PTPRD: variants seen among roughly 807,000 people sequenced by gnomAD.
PTPRD encodes the protein protein tyrosine phosphatase receptor type D, also known as receptor-type tyrosine-protein phosphatase delta.
In PTPRD, 34 loss-of-function variants were observed where a neutral mutation model predicts 214.5. That is an observed-to-expected ratio of 0.16 (90% confidence interval 0.12 to 0.21). The LOEUF (loss-of-function observed/expected upper bound fraction) is 0.21. PTPRD is among the 10% of genes least tolerant of loss of function. The pLI, the probability that PTPRD is intolerant of heterozygous loss-of-function variation, is 1.00. For synonymous variants in PTPRD, 1,128 were observed against 845.7 expected (o/e 1.33, Z -5.79); for missense variants, 2,545 against 2,398.7 (o/e 1.06, Z -1.27).
chr9:10,310,653 C>G, intron 3 of PTPRD, among the ~76,000 whole-genome samples: 1 of 152,054 alleles, frequency 6.6e-6, no homozygotes, highest in Non-Finnish European at 1.5e-5. Context: ...AGTGTTTACA[C>G]GAATCCCAAT....
At chr9:8,550,970 A>G (rs767916574) in intron 14 of PTPRD, among the ~76,000 whole-genome samples, 1 of 152,220 alleles carries the variant, frequency 6.6e-6, no homozygotes, top group African/African-American at 2.4e-5. Flanking sequence ...ATCACCAACA[A>G]TAGCATCCCA....
At chr9:8,905,258 C>T (rs925008737) in intron 11 of PTPRD, among the ~76,000 whole-genome samples, 19 of 152,008 alleles carry the variant, frequency 1.2e-4, no homozygotes, top group African/African-American at 4.6e-4. Context: ...CCATGGTTTG[C>T]ATTTCTGTTC....
intron 6 of PTPRD, among the ~76,000 whole-genome samples, chr9:9,760,003 C>T (rs2154474776): frequency 6.6e-6 from 1 of 152,266 alleles, no homozygotes; most frequent in South Asian, 2.1e-4. Flanking sequence ...TGTTAAACTT[C>T]CAGTATTGCC....
At chr9:8,575,609 G>T (rs137917106) in intron 14 of PTPRD, among the ~76,000 whole-genome samples, 2 of 151,994 alleles carry the variant, frequency 1.3e-5, no homozygotes, top group Non-Finnish European at 2.9e-5. Context: ...AGATATATTC[G>T]TTTATTTGGT....
At chr9:9,683,867 T>C (rs1165093970) in intron 7 of PTPRD, among the ~76,000 whole-genome samples, 1 of 151,848 alleles carries the variant, frequency 6.6e-6, no homozygotes, top group South Asian at 2.1e-4. Context: ...TTAAGTTAGT[T>C]CGGGTTCTAA....
chr9:9,841,879 T>C (rs1426064512), intron 5 of PTPRD, among the ~76,000 whole-genome samples: 1 of 152,136 alleles, frequency 6.6e-6, no homozygotes. Flanking sequence ...GAAATATCTG[T>C]TGGATTTTTC....
chr9:9,845,720 GAAA>G (rs2153652367), intron 5 of PTPRD, among the ~76,000 whole-genome samples: 1 of 152,156 alleles, frequency 6.6e-6, no homozygotes, highest in Non-Finnish European at 1.5e-5. Context: ...AAGAGGACGT[GAAA>G]TCAATCATAT....
chr9:9,147,489 C>T (rs1592414028), intron 10 of PTPRD, among the ~76,000 whole-genome samples: 1 of 151,816 alleles, frequency 6.6e-6, no homozygotes, highest in African/African-American at 2.4e-5. Flanking sequence ...TACACTAGGA[C>T]CTGCCAGTTA....
At chr9:9,279,018 A>G (rs1175685639) in intron 9 of PTPRD, among the ~76,000 whole-genome samples, 1 of 151,134 alleles carries the variant, frequency 6.6e-6, no homozygotes, top group Non-Finnish European at 1.5e-5. Flanking sequence ...GGAAAACTAT[A>G]TATTAATTTA....
At chr9:8,711,127 T>C (rs2098324984) in intron 12 of PTPRD, among the ~76,000 whole-genome samples, 1 of 148,676 alleles carries the variant, frequency 6.7e-6, no homozygotes. Flanking sequence ...TAACTGGTTG[T>C]TAAATATCAT....
chr9:9,102,706 T>A (rs2099793032), intron 10 of PTPRD, among the ~76,000 whole-genome samples: 2 of 152,376 alleles, frequency 1.3e-5, no homozygotes, highest in South Asian at 4.1e-4. Flanking sequence ...TACGATGTGA[T>A]CATTCACGGA....
chr9:8,629,097 T>G (rs957671479), intron 14 of PTPRD, among the ~76,000 whole-genome samples: 1 of 151,798 alleles, frequency 6.6e-6, no homozygotes, highest in East Asian at 1.9e-4. Context: ...CAAAATAATG[T>G]ATTTTCTGAT....
intron 3 of PTPRD, among the ~76,000 whole-genome samples, chr9:10,047,563 T>C (rs113135314): frequency 1.6e-3 from 250 of 152,198 alleles, no homozygotes; most frequent in African/African-American, 4.0e-3. Flanking sequence ...GTTTCAACAC[T>C]GCCCACATAC....
At chr9:9,911,335 A>G (rs1404779878) in intron 5 of PTPRD, among the ~76,000 whole-genome samples, 2 of 152,066 alleles carry the variant, frequency 1.3e-5, no homozygotes, top group Admixed American at 6.6e-5. Context: ...GTGTGATTCT[A>G]TCTAATTAAA....
intron 12 of PTPRD, chr9:8,713,653 G>A (rs1597726315): frequency 1.3e-6 from 2 of 1,513,052 alleles, no homozygotes; most frequent in African/African-American, 1.4e-5. Flanking sequence ...AGACATGGGC[G>A]CCCGGCACCG....
chr9:9,304,272 A>G (rs1956390755), intron 9 of PTPRD, among the ~76,000 whole-genome samples: 1 of 152,144 alleles, frequency 6.6e-6, no homozygotes, highest in Non-Finnish European at 1.5e-5. Context: ...GATGAGATGA[A>G]TGGGGAGTCA....
rs538211947 is a variant in PTPRD, at chr9:10,026,303, TTAGACTAC to T, written c.-472+7407_-472+7414del. The stretch of plus-strand genomic sequence containing the variant: ...AAAGAAGCTGATGACTCCATCTTTC[TTAGACTAC>T]TAGCCTACAAATGGCACAAACTTGG... On this transcript the variant is annotated intron_variant, in intron 4 of 45. Transcript: ENST00000381196. Among the ~76,000 whole-genome samples the T allele has an allele frequency of 4.6e-4, 70 of 152,308 alleles. 1 individual carries two copies. In the South Asian group the frequency reaches 0.014, roughly 31 times the overall value.
At chr9:8,393,061 T>C (rs1201137108) in intron 36 of PTPRD, among the ~76,000 whole-genome samples, 1 of 152,166 alleles carries the variant, frequency 6.6e-6, no homozygotes, top group Non-Finnish European at 1.5e-5. Flanking sequence ...TTTGGTGCCA[T>C]GAAATGCTTC....
intron 2 of PTPRD, among the ~76,000 whole-genome samples, chr9:10,492,373 T>C (rs1217395093): frequency 1.3e-5 from 2 of 152,040 alleles, no homozygotes; most frequent in East Asian, 3.9e-4. Flanking sequence ...CTCCAGCATC[T>C]GTTGTTTCCT....
Sources: allele counts gnomAD v4.1 joint callset (sites outside exome capture counted in the v4.1 genomes callset), GRCh38; gene constraint gnomAD v4.1.1; transcripts MANE v1.5; gene names NCBI Gene and HGNC (gene_info 2026-07-23, HGNC 2026-07-21).